TMOD3: variants seen among roughly 807,000 people sequenced by gnomAD.
TMOD3 encodes the protein tropomodulin 3, also known as tropomodulin-3.
In TMOD3, 20 loss-of-function variants were observed where a neutral mutation model predicts 39.2. The observed-to-expected ratio is 0.51, with a 90% CI of 0.36 to 0.74. TMOD3 has a LOEUF of 0.74. Among genes scored for constraint, TMOD3 ranks in the 30% least tolerant of loss-of-function variants. The pLI is 0.00. For missense variants in TMOD3, 381 were observed against 412.8 expected, an observed-to-expected ratio of 0.92 and a Z score of 0.67; for synonymous variants, 143 against 145.8, an observed-to-expected ratio of 0.98 and a Z score of 0.14.
intron 1 of TMOD3, among the ~76,000 whole-genome samples, chr15:51,858,789 A>G (rs982589255): frequency 1.3e-5 from 2 of 152,276 alleles, no homozygotes; most frequent in Admixed American, 6.5e-5. Context: ...TATGCTTTCC[A>G]TGTATTCTGG....
chr15:51,836,541 A>G (rs1321389089), intron 1 of TMOD3, among the ~76,000 whole-genome samples: 1 of 152,092 alleles, frequency 6.6e-6, no homozygotes, highest in African/African-American at 2.4e-5. Flanking sequence ...CCTGGCCAAC[A>G]TGGTGAAACC....
At chr15:51,907,076 T>C (rs1325350934) in intron 9 of TMOD3, 2 of 152,220 alleles carry the variant, frequency 1.3e-5, no homozygotes, top group Non-Finnish European at 2.9e-5. Context: ...TTTCTATATT[T>C]TTCAGAGATC....
At chr15:51,840,227 G>A (rs902357476) in intron 1 of TMOD3, among the ~76,000 whole-genome samples, 8 of 152,062 alleles carry the variant, frequency 5.3e-5, no homozygotes, top group African/African-American at 1.4e-4. Context: ...TGTGTACATC[G>A]ATCTCTCACT....
intron 8 of TMOD3, 64 bp downstream of exon 8, chr15:51,900,362 G>C: frequency 6.3e-7 from 1 of 1,575,352 alleles, no homozygotes; most frequent in Non-Finnish European, 8.6e-7. Context: ...AGGGCTTGGC[G>C]ACTCAGGATG....
At chr15:51,872,760 CA>C (rs2056482157) in intron 3 of TMOD3, among the ~76,000 whole-genome samples, 1 of 152,062 alleles carries the variant, frequency 6.6e-6, no homozygotes, top group African/African-American at 2.4e-5. Context: ...CCCCCACACC[CA>C]CCTGAGGACC....
At chr15:51,831,237 C>G (rs1337058205) in intron 1 of TMOD3, among the ~76,000 whole-genome samples, 1 of 152,062 alleles carries the variant, frequency 6.6e-6, no homozygotes, top group Admixed American at 6.5e-5. Flanking sequence ...TGATTAATTC[C>G]TAAATTTTGT....
intron 3 of TMOD3, among the ~76,000 whole-genome samples, chr15:51,870,341 C>T (rs2056468791): frequency 6.6e-6 from 1 of 152,188 alleles, no homozygotes; most frequent in African/African-American, 2.4e-5. Flanking sequence ...GCCTAAAAAG[C>T]CAAATTCTAC....
At chr15:51,861,235 C>G (rs1210690209) in intron 1 of TMOD3, 9 of 418,970 alleles carry the variant, frequency 2.1e-5, no homozygotes, top group South Asian at 1.9e-4. Context: ...CCAATGTGCT[C>G]TAGCTGTTCC....
At chr15:51,890,185 T>TG (rs2056585208) in intron 5 of TMOD3, among the ~76,000 whole-genome samples, 1 of 151,376 alleles carries the variant, frequency 6.6e-6, no homozygotes, top group Non-Finnish European at 1.5e-5. Context: ...TTTTTTTTTT[T>TG]GGAAACGGAG....
chr15:51,834,494 A>G (rs8033433), intron 1 of TMOD3, among the ~76,000 whole-genome samples: 53,095 of 151,932 alleles, frequency 0.35, 9,825 homozygotes, highest in Middle Eastern at 0.43. Flanking sequence ...TTTTCCACCT[A>G]TATAGATATC....
At chr15:51,836,288 C>T (rs1050662375) in intron 1 of TMOD3, among the ~76,000 whole-genome samples, 2 of 152,130 alleles carry the variant, frequency 1.3e-5, no homozygotes, top group Non-Finnish European at 2.9e-5. Context: ...GCAGTTACTA[C>T]CTAATTCCTC....
At chr15:51,830,112 G>A (rs1290201627) in intron 1 of TMOD3, among the ~76,000 whole-genome samples, 7 of 152,122 alleles carry the variant, frequency 4.6e-5, no homozygotes, top group Admixed American at 3.3e-4. Flanking sequence ...CGGGCGCCCG[G>A]GTTCGGGACC....
chr15:51,871,012 G>A (rs2141690440), intron 3 of TMOD3, among the ~76,000 whole-genome samples: 1 of 152,116 alleles, frequency 6.6e-6, no homozygotes, highest in East Asian at 1.9e-4. Context: ...TTTACTTAGA[G>A]TCTGCTGATT....
chr15:51,872,600 G>GTTTTTTTTTTT (rs58973705), intron 3 of TMOD3, among the ~76,000 whole-genome samples: 2 of 129,882 alleles, frequency 1.5e-5, no homozygotes, highest in African/African-American at 2.8e-5. Flanking sequence ...GACCAAATTT[G>GTTTTTTTTTTT]TTTTTTTTTT....
Position 51,887,676 on chromosome 15 carries a change from C to G in TMOD3, c.371C>G (p.Thr124Arg). Residue 124 changes from threonine to arginine, a missense_variant, in exon 4 of 10, where the codon ACA becomes AGA. Physicochemically the swap from Thr to Arg is moderately conservative, Grantham distance 71 (BLOSUM62 -1). Coordinates refer to ENST00000308580, the MANE Select transcript of TMOD3 (RefSeq NM_014547.5). ...GATCCAGAATTAGAAGAAGCTTTGA[C>G]AAGTGCTTCTGATACAGAATTGTGT... ...SLDPELEEAL[T>R]SASDTELCDL... 1.9e-6 allele frequency: 3 copies of G among 1,613,944 alleles called. No homozygotes were observed. The highest frequency in any genetic ancestry group is 1.7e-6 in the Non-Finnish European group (2 of 1,179,934).
intron 1 of TMOD3, among the ~76,000 whole-genome samples, chr15:51,839,863 G>C (rs578130912): frequency 1.3e-5 from 2 of 152,282 alleles, no homozygotes; most frequent in East Asian, 3.9e-4. Flanking sequence ...GAATAGGGGA[G>C]TAGAATATTG....
intron 1 of TMOD3, among the ~76,000 whole-genome samples, chr15:51,857,877 A>C (rs1016868807): frequency 6.6e-6 from 1 of 151,846 alleles, no homozygotes; most frequent in African/African-American, 2.4e-5. Flanking sequence ...TAAAGGGAAA[A>C]TTTTTTTAAG....
At chr15:51,836,055 G>GGATT (rs1269456096) in intron 1 of TMOD3, among the ~76,000 whole-genome samples, 1 of 152,148 alleles carries the variant, frequency 6.6e-6, no homozygotes, top group Non-Finnish European at 1.5e-5. Flanking sequence ...TTCAAAGACA[G>GGATT]GATTACCTTT....
rs746836248 is a variant in TMOD3 at position 51,887,680 on chromosome 15, T to G, written c.375T>G (p.Ser125Arg). 3 of 1,613,850 alleles carry G rather than the reference T, an allele frequency of 1.9e-6. No individual in the cohort carries two copies. The highest frequency in any genetic ancestry group is 1.3e-5 in the African/African-American group (1 of 74,914). The change falls in exon 4 of 10, where the codon AGT becomes AGG. Residue 125 changes from serine (S) to arginine (R), a missense_variant. By Grantham distance (110) the Ser-to-Arg change is moderately radical. Transcript: ENST00000308580. The part of the protein sequence containing the change: ...LDPELEEALT[S>R]ASDTELCDLA... ...CAGAATTAGAAGAAGCTTTGACAAG[T>G]GCTTCTGATACAGAATTGTGTGACC... is the stretch of plus-strand genomic sequence containing the variant.
Sources: allele counts gnomAD v4.1 joint callset (sites outside exome capture counted in the v4.1 genomes callset), GRCh38; gene constraint gnomAD v4.1.1; transcripts MANE v1.5; gene names NCBI Gene and HGNC (gene_info 2026-07-23, HGNC 2026-07-21).